SEC16A: variants seen among roughly 807,000 people sequenced by gnomAD.
SEC16A encodes protein transport protein Sec16A.
Under a neutral mutation model 221.9 loss-of-function variants are expected in SEC16A, and 110 were observed. The ratio of observed to expected loss-of-function variants is 0.50; its 90% CI spans 0.42 to 0.58. SEC16A has a LOEUF of 0.58. SEC16A is among the 20% of genes least tolerant of loss of function. The pLI is 0.00. For synonymous variants in SEC16A, 1,393 were observed against 1,257.7 expected (o/e 1.11, Z -2.28); for missense variants, 3,165 against 3,097.8 (o/e 1.02, Z -0.52).
Position 136,475,080 on chromosome 9 carries a change from A to G in SEC16A, c.2536T>C (p.Ser846Pro), listed in dbSNP as rs1234582467. The change falls in exon 3 of 32, where the codon TCT (serine) becomes CCT (proline). Residue 846 changes from serine to proline, a missense_variant. Transcript: ENST00000684901. The surrounding 1 kb of genome is among the most constrained non-coding windows in gnomAD (Gnocchi z 5.0). ...SYNLAQPINF[S>P]VSLSNSHEKN... ...TCATGAGAGTTCGATAAGGACACAG[A>G]AAAGTTAATGGGCTGAGCCAGATTA... is the stretch of plus-strand genomic sequence containing the variant. The G allele has an allele frequency of 6.2e-7, 1 of 1,613,678 alleles. No individual in the cohort carries two copies. The highest frequency in any genetic ancestry group is 1.7e-5 in the Admixed American group (1 of 59,962).
rs779662133 is a variant in SEC16A, at chr9:136,466,395, C to T, written c.3997G>A (p.Asp1333Asn). Residue 1333 changes from aspartate to asparagine, a missense_variant, in exon 7 of 32, where the codon GAT becomes AAT. Asp to Asn is a conservative substitution (Grantham distance 23). This residue lies in a region of SEC16A where 2,030 missense variants were observed against 1,923.1 expected (regional missense o/e 1.06). Transcript: ENST00000684901. The surrounding 1 kb of genome is among the most constrained non-coding windows in gnomAD (Gnocchi z 5.5). Reference sequence around the variant, plus strand: ...TCCCCATAAGGGTCTCTGTGCGGATCGGGGTCATCGTCAAAACTCCCCGTG... The same window carrying T: ...TCCCCATAAGGGTCTCTGTGCGGATTGGGGTCATCGTCAAAACTCCCCGTG... ...RFTGSFDDDPDPHRDPYGEEV... is the reference protein window; with the variant it reads ...RFTGSFDDDPNPHRDPYGEEV... 12 of 1,604,306 alleles carry T rather than the reference C, an allele frequency of 7.5e-6. No individual in the cohort carries two copies. The highest frequency in any genetic ancestry group is 3.4e-5 in the Admixed American group (2 of 58,924).
chr9:136,450,954 CCA>C (rs1837701973), intron 23 of SEC16A, among the ~76,000 whole-genome samples: 1 of 152,332 alleles, frequency 6.6e-6, no homozygotes, highest in African/African-American at 2.4e-5. Context: ...CAGGCACACA[CCA>C]CAGTGACAAA....
rs753431899 is a variant in SEC16A, at chr9:136,466,708, C to T, written c.3930-246G>A. 2.6e-4 allele frequency among the ~76,000 whole-genome samples: 39 copies of T among 152,298 alleles called. No individual in the cohort carries two copies. The highest frequency in any genetic ancestry group is 4.1e-4 in the South Asian group (2 of 4,828). ...GAAGGGACGATGAGAAAGAGTGAGC[C>T]CAATCTCCCAGGTGCTCCCAGAGGT... On this transcript the variant is annotated intron_variant, in intron 6 of 31. Coordinates refer to ENST00000684901, the MANE Select transcript of SEC16A (RefSeq NM_014866.2). The surrounding 1 kb of genome is among the most constrained non-coding windows in gnomAD (Gnocchi z 5.5).
chr9:136,483,043 C>T (rs1842616242), upstream of SEC16A: 3 of 984,730 alleles, frequency 3.0e-6, no homozygotes, highest in Non-Finnish European at 3.6e-6. Flanking sequence ...GCACATCCGG[C>T]TCGGGTCTCC....
At chr9:136,473,878 G>A (rs983180354) in intron 3 of SEC16A, among the ~76,000 whole-genome samples, 171 bp downstream of exon 3, 1 of 152,226 alleles carries the variant, frequency 6.6e-6, no homozygotes, top group East Asian at 1.9e-4. Flanking sequence ...TTCTGGAGCC[G>A]GGAGCCCTGT....
rs952110672 is a variant in SEC16A at position 136,475,335 on chromosome 9, G to A, written c.2281C>T (p.Pro761Ser). ...TGCTGCCCGGACATCGCCTCTTCTG[G>A]AGGCTGAACAACAGGTGGCTGAGGT... Reference protein sequence around the residue: ...AKPQPPVVQPPEEAMSGQQSR... With the variant: ...AKPQPPVVQPSEEAMSGQQSR... The change falls in exon 3 of 32, where the codon CCA becomes TCA. Residue 761 changes from proline to serine, a missense_variant. Physicochemically the swap from Pro to Ser is moderately conservative, Grantham distance 74. Transcript: ENST00000684901. The surrounding 1 kb of genome is among the most constrained non-coding windows in gnomAD (Gnocchi z 5.0). The A allele has an allele frequency of 2.5e-6, 4 of 1,611,286 alleles. No homozygotes were observed. In the African/African-American group the frequency reaches 4.0e-5, roughly 16 times the overall value.
At chr9:136,483,772 G>C (rs1424361007), upstream of SEC16A, 1 of 985,462 alleles carries the variant, frequency 1.0e-6, no homozygotes, top group East Asian at 1.1e-4. Context: ...TCTTCCGTTG[G>C]GCTGGGAGGC....
intron 23 of SEC16A, chr9:136,448,747 TG>T (rs1837385346): frequency 2.2e-6 from 1 of 445,694 alleles, no homozygotes; most frequent in Non-Finnish European, 4.1e-6. Flanking sequence ...AGGATGGAGG[TG>T]GGGGGCAGAT....
At chr9:136,446,288 T>A (rs966548194) in intron 28 of SEC16A, among the ~76,000 whole-genome samples, 2 of 151,710 alleles carry the variant, frequency 1.3e-5, no homozygotes, top group Non-Finnish European at 2.9e-5. Context: ...GTTTTTTTTT[T>A]AGTAGAGATG....
In SEC16A at chr9:136,466,312, T is replaced by C. The variant is rs548389522; in HGVS notation, c.4080A>G (p.Ala1360=). The part of the protein sequence containing the change: ...SEHSARSLHS[A]HSLASRRSSL... Reference sequence around the variant, plus strand: ...TGCTGCGGCGGCTGGCCAGGCTGTGTGCGCTGTGCAGGCTCCGTGCCGAGT... The same window carrying C: ...TGCTGCGGCGGCTGGCCAGGCTGTGCGCGCTGTGCAGGCTCCGTGCCGAGT... The change falls in exon 7 of 32, where the codon GCA becomes GCG. Residue 1360 remains alanine, a synonymous_variant. Transcript: ENST00000684901. This position sits in a 1 kb window ranked among gnomAD's most constrained non-coding sequence, Gnocchi z 5.5. 30 of 1,570,114 alleles carry C rather than the reference T, an allele frequency of 1.9e-5. No homozygotes were observed. The highest frequency in any genetic ancestry group is 3.3e-4 in the Middle Eastern group (2 of 6,020).
rs1461882086 is a variant in SEC16A, at chr9:136,475,257, C to T, written c.2359G>A (p.Ala787Thr). Residue 787 changes from alanine (A) to threonine (T), a missense_variant, in exon 3 of 32, where the codon GCT becomes ACT. By Grantham distance (58) the Ala-to-Thr change is moderately conservative (BLOSUM62 0). Coordinates refer to ENST00000684901, the MANE Select transcript of SEC16A (RefSeq NM_014866.2). The surrounding 1 kb of genome is among the most constrained non-coding windows in gnomAD (Gnocchi z 5.0). ...APVQSRGGIG[A>T]SENLENPPKM... is the part of the protein sequence containing the mutation. The stretch of plus-strand genomic sequence containing the variant: ...GGAGGATTCTCAAGGTTCTCAGAAG[C>T]ACCAATGCCACCTCGGCTCTGCACC... 6.2e-6 allele frequency: 10 copies of T among 1,613,500 alleles called. No individual in the cohort carries two copies. Among genetic ancestry groups the T allele is most frequent in the Non-Finnish European group, 8.5e-6 (10 of 1,179,896 alleles).
In SEC16A at chr9:136,447,707, A is replaced by G. The variant is rs781192557; in HGVS notation, c.6448-27T>C. ...TGCAGAGGGAAACACAGCTTCAGAC[A>G]CCCACTGTGTGCACAGAAACCCACT... is the stretch of plus-strand genomic sequence containing the variant. On this transcript the variant is annotated intron_variant, in intron 25 of 31. Coordinates refer to ENST00000684901, the MANE Select transcript of SEC16A (RefSeq NM_014866.2). This position sits in a 1 kb window ranked among gnomAD's most constrained non-coding sequence, Gnocchi z 5.5. The G allele has an allele frequency of 6.3e-7, 1 of 1,581,812 alleles. No individual in the cohort carries two copies. Among genetic ancestry groups the G allele is most frequent in the East Asian group, 2.2e-5 (1 of 44,650 alleles).
rs1043463613 is a variant in SEC16A at position 136,475,422 on chromosome 9, G to A, written c.2194C>T (p.Pro732Ser). ...AGAAGGACGTTGCCTCCAAAATCTG[G>A]CAGCTCACTTTGCGCCCACAGAGTC... ...ATTLWAQSEL[P>S]DFGGNVLLAP... The change falls in exon 3 of 32, where the codon CCA becomes TCA. Residue 732 changes from proline (P) to serine (S), a missense_variant. By Grantham distance (74) the Pro-to-Ser change is moderately conservative. Around this residue, in one of 3 missense-constraint regions of SEC16A, gnomAD observed 2,030 missense variants for 1,923.1 expected, o/e 1.06. Coordinates refer to ENST00000684901, the MANE Select transcript of SEC16A (RefSeq NM_014866.2). The surrounding 1 kb of genome is among the most constrained non-coding windows in gnomAD (Gnocchi z 5.0). 3 of 1,610,734 alleles carry A rather than the reference G, an allele frequency of 1.9e-6. No homozygotes were observed. The African/African-American group carries it at 4.0e-5, about 22-fold the overall frequency.
Position 136,443,558 on chromosome 9 carries a change from G to A in SEC16A, c.7005+265C>T, listed in dbSNP as rs555983316. 2.1e-3 allele frequency among the ~76,000 whole-genome samples: 320 copies of A among 152,324 alleles called. 2 individuals are homozygous for A. The highest frequency in any genetic ancestry group is 2.5e-3 in the Non-Finnish European group (168 of 68,032). On this transcript the variant is annotated intron_variant, in intron 31 of 31. Transcript: ENST00000684901. ...TTTGCCAGGTGTGCTGACCATGCCT[G>A]TAGTCCCAGCTACTCAGGAGGCTGA...
chr9:136,460,046 G>C lies in SEC16A; in HGVS notation c.5069C>G (p.Ser1690Cys), dbSNP rs768370491. Residue 1690 changes from serine to cysteine, a missense_variant, in exon 14 of 32, where the codon TCC becomes TGC. By Grantham distance (112) the Ser-to-Cys change is moderately radical. Coordinates refer to ENST00000684901, the MANE Select transcript of SEC16A (RefSeq NM_014866.2). The part of the protein sequence containing the change: ...QLMSGRMPAA[S>C]TCCGDEKWGD... ...CCACCAGGCAGTGCCACTCACCGTG[G>C]ACGCGGCAGGCATCCGTCCGGACAT... 1.2e-6 allele frequency: 2 copies of C among 1,602,486 alleles called. No homozygotes were observed. The highest frequency in any genetic ancestry group is 4.5e-5 in the East Asian group (2 of 44,348).
intron 20 of SEC16A, 43 bp from the exon 21 acceptor site, chr9:136,454,370 T>C (rs1052531348): frequency 1.2e-5 from 18 of 1,511,890 alleles, no homozygotes; most frequent in Middle Eastern, 3.4e-4. Flanking sequence ...TTACTGAGGG[T>C]AGCTTGAGTT....
intron 31 of SEC16A, 63 bp from the exon 32 acceptor site, chr9:136,441,886 G>A (rs1836236410): frequency 7.1e-7 from 1 of 1,410,918 alleles, no homozygotes; most frequent in Non-Finnish European, 1.0e-6. Flanking sequence ...GTGCTCGGCT[G>A]CAGCGTGGCA....
intron 12 of SEC16A, among the ~76,000 whole-genome samples, chr9:136,461,633 C>T (rs972829525): frequency 6.6e-6 from 1 of 152,202 alleles, no homozygotes; most frequent in Non-Finnish European, 1.5e-5. Context: ...GAGGCCTCCG[C>T]GAATATCCTG....
chr9:136,450,336 G>T (rs1837616084), intron 23 of SEC16A, among the ~76,000 whole-genome samples: 1 of 152,090 alleles, frequency 6.6e-6, no homozygotes, highest in African/African-American at 2.4e-5. Flanking sequence ...ACTCCTGCAA[G>T]TCCTGAAGAG....
Sources: gnomAD v4.1 joint callset for allele counts (sites outside exome capture counted in the v4.1 genomes callset) on GRCh38, gnomAD v4.1.1 for gene constraint, gnomAD v4.1.1 regional missense constraint, Gnocchi (gnomAD v3.1) non-coding constraint, MANE v1.5 for transcripts, NCBI Gene and HGNC (gene_info 2026-07-23, HGNC 2026-07-21) for gene names.